Variants in PCDHGB2 observed in about 807,000 individuals in gnomAD.
PCDHGB2 encodes protocadherin gamma-B2.
A neutral mutation model predicts 59.3 loss-of-function variants in PCDHGB2; 55 were observed. The ratio of observed to expected loss-of-function variants is 0.93; its 90% CI spans 0.75 to 1.16. The LOEUF (loss-of-function observed/expected upper bound fraction) is 1.16. PCDHGB2 is among the 50% of genes most tolerant of loss of function. The probability of loss-of-function intolerance (pLI) is 0.00; values close to 1 mark genes in which losing one functional copy is unlikely to be tolerated. For missense variants in PCDHGB2, 1,228 were observed against 1,198.5 expected (o/e 1.02, Z -0.36); for synonymous variants, 516 against 512.0 (o/e 1.01, Z -0.11).
intron 1 of PCDHGB2, chr5:141,413,940 TC>T (rs1190444840): frequency 1.2e-6 from 2 of 1,613,390 alleles, no homozygotes; most frequent in East Asian, 2.2e-5. Context: ...GAGTGAGTGT[TC>T]CTGAGAATTT....
In PCDHGB2 at chr5:141,432,986, G is replaced by A. The variant is rs2097557714; in HGVS notation, c.2422-61821G>A. ...AGCGCCGGCGTCGCACTTTGTGGGC[G>A]TGGACGGGGTGCAGGCTTTCCTGCA... On this transcript the variant is annotated intron_variant, in intron 1 of 3. Transcript: ENST00000522605. This position sits in a 1 kb window ranked among gnomAD's most constrained non-coding sequence, Gnocchi z 6.0. 6 of 1,614,258 alleles carry A rather than the reference G, an allele frequency of 3.7e-6. No individual in the cohort carries two copies. In the Middle Eastern group the frequency reaches 4.9e-4, roughly 133 times the overall value.
At chr5:141,387,604 T>C (rs2091008879) in intron 1 of PCDHGB2, 2 of 547,084 alleles carry the variant, frequency 3.7e-6, no homozygotes, top group Non-Finnish European at 6.4e-6. Flanking sequence ...CAGCAGAGGC[T>C]GTAGTTTCCT....
In PCDHGB2 at chr5:141,430,200, T is replaced by G. The variant is rs182960813; in HGVS notation, c.2422-64607T>G. Among the ~76,000 whole-genome samples the G allele has an allele frequency of 8.2e-4, 124 of 152,052 alleles. 2 individuals are homozygous for G. Among genetic ancestry groups the G allele is most frequent in the African/African-American group, 2.9e-3 (119 of 41,468 alleles). ...CCCAAATTATAGCTGAATCAGAAAG[T>G]TTAAATTATTATATTATATGATTTG... On this transcript the variant is annotated intron_variant, in intron 1 of 3. Transcript: ENST00000522605.
chr5:141,428,031 G>A (rs760882803), intron 1 of PCDHGB2: 6 of 1,607,376 alleles, frequency 3.7e-6, no homozygotes, highest in South Asian at 3.3e-5. Context: ...CGCAGAGTCC[G>A]GCTACCTGGT....
rs1036223789 is a variant in PCDHGB2, at chr5:141,511,298, G to A, written c.*125G>A. On this transcript the variant is annotated 3_prime_UTR_variant, in exon 4 of 4. Transcript: ENST00000522605. ...GAATACTGGTAGGGGCCAAGGCCAT[G>A]CTCCCCTTGGGAAACAGAAACAAGT... The A allele has an allele frequency of 4.7e-6, 7 of 1,502,412 alleles. No individual in the cohort carries two copies. In the African/African-American group the frequency reaches 8.4e-5, roughly 18 times the overall value. The allele number at this position is 1,502,412 out of a possible 1,614,324, so 93.1% of individuals were successfully genotyped here. A position where few individuals can be genotyped will look rare whatever the true frequency, so the allele number is the denominator to read the frequency against.
chr5:141,429,913 T>C (rs1013990672), intron 1 of PCDHGB2, among the ~76,000 whole-genome samples: 29 of 152,238 alleles, frequency 1.9e-4, no homozygotes, highest in African/African-American at 7.0e-4. Context: ...TGAAATATAA[T>C]GTATTAATAG....
rs372648693 is a variant in PCDHGB2, at chr5:141,417,997, G to A, written c.2421+55441G>A. 244 of 1,613,872 alleles carry A rather than the reference G, an allele frequency of 1.5e-4. No homozygotes were observed. The Middle Eastern group carries it at 3.5e-3, about 23-fold the overall frequency. On this transcript the variant is annotated intron_variant, in intron 1 of 3. Transcript: ENST00000522605. ...CGGAGGAGCTGGCCAAGGGCTCGGT[G>A]GTGGGGAACCTCGCTAAGGATCTAG...
chr5:141,384,134 G>T, intron 1 of PCDHGB2: 2 of 1,611,964 alleles, frequency 1.2e-6, no homozygotes, highest in South Asian at 2.2e-5. Context: ...AACTTGGACC[G>T]GGAAACACTC....
At chr5:141,427,156 T>G (rs533425641) in intron 1 of PCDHGB2, 10 of 456,890 alleles carry the variant, frequency 2.2e-5, no homozygotes, top group African/African-American at 2.0e-4. Flanking sequence ...AATATGTTTG[T>G]GCTAGACCAT....
chr5:141,382,942 C>G, intron 1 of PCDHGB2: 1 of 1,595,524 alleles, frequency 6.3e-7, no homozygotes, highest in African/African-American at 1.3e-5. Flanking sequence ...AGGATTCTTC[C>G]TGCTCTCCAT....
At chr5:141,371,188 T>C (rs1206989931) in intron 1 of PCDHGB2, 1 of 1,614,030 alleles carries the variant, frequency 6.2e-7, no homozygotes. Flanking sequence ...TTAAAAGTGA[T>C]GGCCATTGAC....
chr5:141,419,524 T>C (rs1400473876), intron 1 of PCDHGB2: 4 of 1,612,164 alleles, frequency 2.5e-6, no homozygotes, highest in Non-Finnish European at 3.4e-6. Flanking sequence ...TGGGCGACCG[T>C]AACGACAACG....
At position 141,511,482 on chromosome 5, in the gene PCDHGB2, C is replaced by A. The variant is rs761434245; in HGVS notation, c.*309C>A. ...CACACCCCGTTTAGTTACAGCTGAA[C>A]TCCTCCATCTTCCAAATCAATCAGG... On this transcript the variant is annotated 3_prime_UTR_variant, in exon 4 of 4. Coordinates refer to ENST00000522605, the MANE Select transcript of PCDHGB2 (RefSeq NM_018923.3). The A allele has an allele frequency of 2.4e-4, 113 of 464,462 alleles. No homozygotes were observed. Among genetic ancestry groups the A allele is most frequent in the Non-Finnish European group, 4.0e-4 (105 of 260,154 alleles). The allele number at this position is 464,462 out of a possible 1,614,324, so 28.8% of individuals were successfully genotyped here. A position where few individuals can be genotyped will look rare whatever the true frequency, so the allele number is the denominator to read the frequency against.
intron 1 of PCDHGB2, chr5:141,421,722 G>C: frequency 6.2e-7 from 1 of 1,613,972 alleles, no homozygotes; most frequent in Non-Finnish European, 8.5e-7. Flanking sequence ...ATGTGGGCGT[G>C]AACTCCCTCC....
chr5:141,478,095 C>T, intron 1 of PCDHGB2: 5 of 1,614,100 alleles, frequency 3.1e-6, no homozygotes, highest in Non-Finnish European at 4.2e-6. Context: ...TCCACCACTG[C>T]TACCCTCACT....
chr5:141,389,276 G>T (rs375882135), intron 1 of PCDHGB2: 4 of 1,613,858 alleles, frequency 2.5e-6, no homozygotes, highest in South Asian at 2.2e-5. Flanking sequence ...AGAACAACCC[G>T]CCTGGAGCCT....
chr5:141,389,669 C>T (rs747451761), intron 1 of PCDHGB2: 14 of 1,612,326 alleles, frequency 8.7e-6, no homozygotes, highest in Non-Finnish European at 9.3e-6. Flanking sequence ...TGGACGCAGA[C>T]TCAGGACACA....
At chr5:141,405,394 C>A (rs761584699) in intron 1 of PCDHGB2, 7 of 1,593,014 alleles carry the variant, frequency 4.4e-6, no homozygotes, top group Non-Finnish European at 6.0e-6. Context: ...CATTTTTTTT[C>A]TTTCTTTCTT....
intron 1 of PCDHGB2, chr5:141,422,001 C>T (rs2096616874): frequency 6.2e-7 from 1 of 1,609,114 alleles, no homozygotes; most frequent in Non-Finnish European, 8.5e-7. Context: ...ACATCAGCTC[C>T]GGAACTCGGG....
Sources: allele counts gnomAD v4.1 joint callset (sites outside exome capture counted in the v4.1 genomes callset), GRCh38; gene constraint gnomAD v4.1.1; non-coding constraint Gnocchi (gnomAD v3.1); transcripts MANE v1.5; gene names NCBI Gene and HGNC (gene_info 2026-07-23, HGNC 2026-07-21).